Variants in ANKRD66 observed in about 807,000 individuals in gnomAD.
ANKRD66 encodes the protein ankyrin repeat domain 66, also known as ankyrin repeat domain-containing protein 66.
A neutral mutation model predicts 10.9 loss-of-function variants in ANKRD66; 10 were observed. The ratio of observed to expected loss-of-function variants is 0.91; its 90% CI spans 0.56 to 1.55. ANKRD66 has a LOEUF of 1.55. ANKRD66 is among the 40% of genes most tolerant of loss of function. The pLI is 0.00. For missense variants in ANKRD66, 252 were observed against 242.9 expected (o/e 1.04, Z -0.25); for synonymous variants, 85 against 88.4 (o/e 0.96, Z 0.22).
At chr6:46,750,091 A>G in intron 2 of ANKRD66, 112 bp downstream of exon 2, 2 of 602,104 alleles carry the variant, frequency 3.3e-6, no homozygotes, top group Middle Eastern at 4.5e-4. Flanking sequence ...TATGATCCCA[A>G]CTTAAATCTT....
intron 2 of ANKRD66, among the ~76,000 whole-genome samples, chr6:46,750,492 T>A (rs914332798): frequency 1.3e-5 from 2 of 151,900 alleles, no homozygotes; most frequent in Non-Finnish European, 1.5e-5. Context: ...TGGATTCTTG[T>A]ATCTGCTTCT....
chr6:46,749,800 A>T, intron 1 of ANKRD66, 96 bp from the exon 2 acceptor site: 1 of 1,406,612 alleles, frequency 7.1e-7, no homozygotes, highest in Non-Finnish European at 9.4e-7. Flanking sequence ...AAGCTCTTTT[A>T]CTTTCCGGTC....
chr6:46,755,520 C>A (rs1766364860), intron 4 of ANKRD66, among the ~76,000 whole-genome samples: 1 of 152,202 alleles, frequency 6.6e-6, no homozygotes, highest in Non-Finnish European at 1.5e-5. Context: ...CTCCTTCTTG[C>A]CGTCCTGTCC....
intron 1 of ANKRD66, among the ~76,000 whole-genome samples, chr6:46,747,673 C>T (rs1293212607): frequency 6.6e-6 from 1 of 152,166 alleles, no homozygotes; most frequent in Non-Finnish European, 1.5e-5. Context: ...TATGGATATT[C>T]CACATTTTGT....
chr6:46,756,172 T>C (rs551747109), intron 4 of ANKRD66: 657 of 382,308 alleles, frequency 1.7e-3, no homozygotes, highest in Non-Finnish European at 2.7e-3. Flanking sequence ...AAACATTAGG[T>C]CCTAAAATCT....
chr6:46,750,573 T>C (rs532865163), intron 2 of ANKRD66, among the ~76,000 whole-genome samples: 1 of 150,392 alleles, frequency 6.6e-6, no homozygotes, highest in Non-Finnish European at 1.5e-5. Context: ...TACACACAAG[T>C]ATATGTAATA....
chr6:46,748,401 A>G (rs1020768879), intron 1 of ANKRD66, among the ~76,000 whole-genome samples: 32 of 152,312 alleles, frequency 2.1e-4, no homozygotes, highest in Admixed American at 6.5e-4. Context: ...GTTGAAATGT[A>G]CACCTGCTTA....
At chr6:46,754,658 G>T (rs947722563) in intron 4 of ANKRD66, among the ~76,000 whole-genome samples, 2 of 152,162 alleles carry the variant, frequency 1.3e-5, no homozygotes, top group Non-Finnish European at 2.9e-5. Flanking sequence ...ATCTATAGGG[G>T]CAGTTCATGA....
chr6:46,748,019 G>C (rs375628057), intron 1 of ANKRD66, among the ~76,000 whole-genome samples: 23 of 152,294 alleles, frequency 1.5e-4, no homozygotes, highest in African/African-American at 5.1e-4. Flanking sequence ...AGACCTAAAA[G>C]TAAGTCTTAA....
intron 4 of ANKRD66, among the ~76,000 whole-genome samples, chr6:46,754,598 G>A (rs1766344171): frequency 1.3e-5 from 2 of 152,104 alleles, no homozygotes; most frequent in Non-Finnish European, 1.5e-5. Flanking sequence ...GTAGAGTATT[G>A]GAGTGAGGGC....
At chr6:46,750,126 C>A in intron 2 of ANKRD66, 147 bp downstream of exon 2, 1 of 547,622 alleles carries the variant, frequency 1.8e-6, no homozygotes, top group Non-Finnish European at 3.3e-6. Flanking sequence ...TCCCAATGGC[C>A]CCATCTCAAG....
At chr6:46,751,576 A>C (rs1766268712) in intron 2 of ANKRD66, among the ~76,000 whole-genome samples, 2 of 152,144 alleles carry the variant, frequency 1.3e-5, no homozygotes, top group African/African-American at 4.8e-5. Context: ...AAGGCACAGA[A>C]TTACATGCAA....
chr6:46,752,738 C>T lies in ANKRD66; in HGVS notation c.163+627C>T, dbSNP rs982612657. On this transcript the variant is annotated intron_variant, in intron 3 of 4. Transcript: ENST00000565422. ...GCTCTCAGTTAATATTAGTCCTTTG[C>T]CCTCTCAACCTCTAACAGGAATAGA... Among the ~76,000 whole-genome samples, 5 of 150,612 alleles carry T rather than the reference C, an allele frequency of 3.3e-5. No homozygotes were observed. The South Asian group carries it at 1.0e-3, about 31-fold the overall frequency.
chr6:46,754,539 T>C (rs1427284062), intron 4 of ANKRD66, among the ~76,000 whole-genome samples: 1 of 152,204 alleles, frequency 6.6e-6, no homozygotes, highest in African/African-American at 2.4e-5. Context: ...GAACAAAATT[T>C]GGAAACTTAG....
In ANKRD66 at chr6:46,753,858, C is replaced by T. The variant is rs79094956; in HGVS notation, c.300C>T (p.His100=). The part of the protein sequence containing the change: ...LNILKTLHAL[H]AAIDAPDFFG... ...TACTCAAAACTCTCCATGCATTGCA[C>T]GCTGCCATCGACGCCCCTGACTTCT... Residue 100 remains histidine (H), a synonymous_variant, in exon 4 of 5, where the codon CAC becomes CAT. Coordinates refer to ENST00000565422, the MANE Select transcript of ANKRD66 (RefSeq NM_001162435.3). 5.5e-4 allele frequency: 859 copies of T among 1,551,702 alleles called. No individual in the cohort carries two copies. Among genetic ancestry groups the T allele is most frequent in the African/African-American group, 1.3e-3 (92 of 73,168 alleles).
intron 4 of ANKRD66, among the ~76,000 whole-genome samples, chr6:46,755,521 C>T (rs146755137): frequency 1.8e-3 from 275 of 152,278 alleles, no homozygotes; most frequent in African/African-American, 6.1e-3. Flanking sequence ...TCCTTCTTGC[C>T]GTCCTGTCCC....
Sources: gnomAD v4.1 joint callset for allele counts (sites outside exome capture counted in the v4.1 genomes callset) on GRCh38, gnomAD v4.1.1 for gene constraint, MANE v1.5 for transcripts, NCBI Gene and HGNC (gene_info 2026-07-23, HGNC 2026-07-21) for gene names.